The following P2RX2 variants were observed in gnomAD, a reference collection of about 807,000 sequenced individuals.
P2RX2 encodes P2X purinoceptor 2.
Under a neutral mutation model 54.8 loss-of-function variants are expected in P2RX2, and 50 were observed. That is an observed-to-expected ratio of 0.91 (90% CI 0.73 to 1.15). P2RX2 has a LOEUF of 1.15. Ranked by LOEUF, P2RX2 falls within the 50% of genes most tolerant of loss-of-function variation. The pLI is 0.00. For synonymous variants in P2RX2, 289 were observed against 259.4 expected, an observed-to-expected ratio of 1.11 and a Z score of -1.09; for missense variants, 658 against 633.2, an observed-to-expected ratio of 1.04 and a Z score of -0.42.
At chr12:132,619,614 T>C in intron 2 of P2RX2, 40 bp downstream of exon 2, 1 of 1,504,112 alleles carries the variant, frequency 6.6e-7, no homozygotes, top group Non-Finnish European at 9.1e-7. Context: ...CCGTGCACCC[T>C]ACCCTAGTGG....
At position 132,621,031 on chromosome 12, in the gene P2RX2, G is replaced by A. The variant is rs774195280; in HGVS notation, c.805G>A (p.Asp269Asn). 3 of 1,614,170 alleles carry A rather than the reference G, an allele frequency of 1.9e-6. No homozygotes were observed. In the South Asian group the frequency reaches 3.3e-5, roughly 18 times the overall value. The change falls in exon 8 of 11, where the codon GAC (aspartate) becomes AAC (asparagine). Residue 269 changes from aspartate (D) to asparagine (N), a missense_variant. Transcript: ENST00000643471. The part of the protein sequence containing the change: ...GGVIGVIINW[D>N]CDLDLPASEC... ...TGTCATCGGGGTCATTATCAACTGG[G>A]ACTGTGACCTGGACCTGCCTGCATC...
In P2RX2 at chr12:132,621,922, C is replaced by G; in HGVS notation, c.1366C>G (p.Pro456Ala). ...EQMVDTPASE[P>A]AQASTPTDPK... ...GATGGTGGACACTCCTGCCTCCGAG[C>G]CTGCCCAAGCCTCCACACCCACAGA... Residue 456 changes from proline to alanine, a missense_variant, in exon 11 of 11, where the codon CCT (proline) becomes GCT (alanine). Pro to Ala is a conservative substitution (Grantham distance 27, BLOSUM62 -1). Transcript: ENST00000643471. The G allele has an allele frequency of 6.2e-7, 1 of 1,613,834 alleles. No homozygotes were observed. Among genetic ancestry groups the G allele is most frequent in the Non-Finnish European group, 8.5e-7 (1 of 1,180,028 alleles).
At chr12:132,621,448 T>C in intron 9 of P2RX2, 27 bp from the exon 10 acceptor site, 1 of 1,575,948 alleles carries the variant, frequency 6.3e-7, no homozygotes, top group Non-Finnish European at 8.6e-7. Context: ...CGTCAGACAT[T>C]CTGACCACGA....
intron 4 of P2RX2, 22 bp downstream of exon 4, chr12:132,619,941 C>T: frequency 5.9e-6 from 4 of 681,188 alleles, no homozygotes; most frequent in Non-Finnish European, 1.0e-5. Flanking sequence ...CCAGCTGGGG[C>T]TGGGCGGGTG....
chr12:132,621,599 C>A lies in P2RX2; in HGVS notation c.1063-20C>A, dbSNP rs764240633. On this transcript the variant is annotated intron_variant, in intron 10 of 10. Coordinates refer to ENST00000643471, the MANE Select transcript of P2RX2 (RefSeq NM_170682.4). ...GGGGGGTCCACCAGGCCCTTACACA[C>A]CGGTCTCTGCTGGCCCCAGGGCTCC... is the stretch of plus-strand genomic sequence containing the variant. The A allele has an allele frequency of 6.2e-7, 1 of 1,611,822 alleles. No individual in the cohort carries two copies. Among genetic ancestry groups the A allele is most frequent in the Non-Finnish European group, 8.5e-7 (1 of 1,178,866 alleles).
intron 1 of P2RX2, among the ~76,000 whole-genome samples, chr12:132,619,197 C>A (rs2041521823): frequency 2.3e-5 from 1 of 42,920 alleles, no homozygotes; most frequent in Admixed American, 3.0e-4. Flanking sequence ...GGGGCAGGGG[C>A]TGGGACTCGG....
chr12:132,620,037 GC>G lies in P2RX2; in HGVS notation c.498del (p.Ser167ProfsTer57). ...TGRCVPYYQG[P>X]SKTCEVFGWC... ...GGCGCTGTGTGCCCTATTACCAGGGGCCCTCCAAGACCTGCGAGGTGTTCGG... is the reference window on the plus strand; with the variant it reads ...GGCGCTGTGTGCCCTATTACCAGGGGCCTCCAAGACCTGCGAGGTGTTCGG... On this transcript the variant is annotated frameshift_variant, in exon 5 of 11. Transcript: ENST00000643471. LOFTEE classifies it high-confidence loss of function. 1 of 1,590,848 alleles carries G rather than the reference GC, an allele frequency of 6.3e-7. No individual in the cohort carries two copies. The highest frequency in any genetic ancestry group is 8.5e-7 in the Non-Finnish European group (1 of 1,170,212).
chr12:132,620,140 C>G (rs761558852), intron 5 of P2RX2, 44 bp downstream of exon 5: 3 of 1,529,996 alleles, frequency 2.0e-6, no homozygotes, highest in South Asian at 2.4e-5. Flanking sequence ...CCCTCTGATC[C>G]TTTTCCCCTG....
At position 132,619,893 on chromosome 12, in the gene P2RX2, C is replaced by G. The variant is rs1335103701; in HGVS notation, c.431C>G (p.Ala144Gly). 1.3e-6 allele frequency: 2 copies of G among 1,483,706 alleles called. No individual in the cohort carries two copies. The highest frequency in any genetic ancestry group is 6.0e-5 in the East Asian group (2 of 33,422). 91.9% of individuals were successfully genotyped at this position (1,483,706 alleles called of 1,614,324 possible). A position where few individuals can be genotyped will look rare whatever the true frequency, so the allele number is the denominator to read the frequency against. The change falls in exon 4 of 11, where the codon GCT becomes GGT. Residue 144 changes from alanine (A) to glycine (G), a missense_variant. Physicochemically the swap from Ala to Gly is moderately conservative, Grantham distance 60. Coordinates refer to ENST00000643471, the MANE Select transcript of P2RX2 (RefSeq NM_170682.4). ...TGCCTCTCCGACGCCGACTGCGTGG[C>G]TGGGGAGCTGGACATGCTGGGAAAC... The part of the protein sequence containing the change: ...ATCLSDADCV[A>G]GELDMLGNGL...
chr12:132,619,673 G>A lies in P2RX2; in HGVS notation c.310-6G>A, dbSNP rs1023705081. The A allele has an allele frequency of 6.3e-7, 1 of 1,592,626 alleles. No homozygotes were observed. The highest frequency in any genetic ancestry group is 1.3e-5 in the African/African-American group (1 of 74,336). ...CTGGCCGACCGCCCCCTCTTTCTGA[G>A]CCCAGGGGGGCAGCGTGTTCAGCAT... On this transcript the variant is annotated splice_polypyrimidine_tract_variant and splice_region_variant and intron_variant, in intron 2 of 10. Coordinates refer to ENST00000643471, the MANE Select transcript of P2RX2 (RefSeq NM_170682.4).
Position 132,620,426 on chromosome 12 carries a change from C to A in P2RX2, c.636-19C>A. 1 of 1,614,026 alleles carries A rather than the reference C, an allele frequency of 6.2e-7. No individual in the cohort carries two copies. Among genetic ancestry groups the A allele is most frequent in the East Asian group, 2.2e-5 (1 of 44,876 alleles). ...TGGGGTATTTGGGGTGCAGGTCTCGCCTCCTGCCGCCTCCTCAGGGGCAAC... is the reference window on the plus strand; with the variant it reads ...TGGGGTATTTGGGGTGCAGGTCTCGACTCCTGCCGCCTCCTCAGGGGCAAC... On this transcript the variant is annotated intron_variant, in intron 6 of 10. Transcript: ENST00000643471.
At position 132,621,102 on chromosome 12, in the gene P2RX2, C is replaced by T. The variant is rs770029505; in HGVS notation, c.876C>T (p.His292=). 8 of 1,614,036 alleles carry T rather than the reference C, an allele frequency of 5.0e-6. No individual in the cohort carries two copies. Among genetic ancestry groups the T allele is most frequent in the South Asian group, 4.4e-5 (4 of 91,092 alleles). The part of the protein sequence containing the change: ...KYSFRRLDPK[H]VPASSGYNFR... ...CCTTCCGGAGGCTTGACCCCAAGCACGTGCCTGCCTCGTCAGGCTACAACT... is the reference window on the plus strand; with the variant it reads ...CCTTCCGGAGGCTTGACCCCAAGCATGTGCCTGCCTCGTCAGGCTACAACT... Residue 292 remains histidine, a synonymous_variant, in exon 8 of 11, where the codon CAC becomes CAT. Coordinates refer to ENST00000643471, the MANE Select transcript of P2RX2 (RefSeq NM_170682.4).
intron 2 of P2RX2, 48 bp from the exon 3 acceptor site, chr12:132,619,631 G>A (rs1321193276): frequency 1.3e-6 from 2 of 1,586,972 alleles, no homozygotes; most frequent in South Asian, 1.1e-5. Context: ...GTGGGCGGAG[G>A]GGGCAGCGGC....
chr12:132,620,634 G>T, intron 7 of P2RX2, 51 bp downstream of exon 7: 1 of 1,589,812 alleles, frequency 6.3e-7, no homozygotes. Flanking sequence ...CACCTGCACA[G>T]AGAGGGCCTG....
Position 132,619,593 on chromosome 12 carries a change from C to T in P2RX2, c.309+19C>T, listed in dbSNP as rs202042846. The T allele has an allele frequency of 3.2e-5, 52 of 1,601,492 alleles. No individual in the cohort carries two copies. In the East Asian group the frequency reaches 1.0e-3, roughly 31 times the overall value. ...CCCCGAGGTGCGGGCCGCCCCCTGC[C>T]CCCCGCCCCGCCGTGCACCCTACCC... On this transcript the variant is annotated intron_variant, in intron 2 of 10. Transcript: ENST00000643471.
At position 132,619,920 on chromosome 12, in the gene P2RX2, G is replaced by A; in HGVS notation, c.457+1G>A. ...GGGGAGCTGGACATGCTGGGAAACG[G>A]TCGGTGTGCGCCAGCTGGGGCTGGG... On this transcript the variant is annotated splice_donor_variant, in intron 4 of 10. Transcript: ENST00000643471. LOFTEE classifies it high-confidence loss of function. The A allele has an allele frequency of 6.2e-7, 1 of 1,607,310 alleles. No homozygotes were observed. The highest frequency in any genetic ancestry group is 8.5e-7 in the Non-Finnish European group (1 of 1,178,208).
At position 132,622,141 on chromosome 12, in the gene P2RX2, G is replaced by A; in HGVS notation, c.*169G>A. On this transcript the variant is annotated 3_prime_UTR_variant, in exon 11 of 11. Transcript: ENST00000643471. The stretch of plus-strand genomic sequence containing the variant: ...GGGGGCACGCTCTGGCCCCAGGCTT[G>A]TGCCCCACCCTGGCATACAGCCCCT... The A allele has an allele frequency of 3.4e-6, 5 of 1,453,708 alleles. No individual in the cohort carries two copies. The highest frequency in any genetic ancestry group is 4.5e-6 in the Non-Finnish European group (5 of 1,110,272). The allele number at this position is 1,453,708 out of a possible 1,614,324, so 90.1% of individuals were successfully genotyped here.
intron 7 of P2RX2, 151 bp downstream of exon 7, chr12:132,620,734 T>A: frequency 9.4e-7 from 1 of 1,064,882 alleles, no homozygotes; most frequent in South Asian, 1.5e-5. Flanking sequence ...ACCCATCCGG[T>A]GTGGCGCTTG....
intron 8 of P2RX2, 33 bp downstream of exon 8, chr12:132,621,164 G>A: frequency 6.2e-7 from 1 of 1,613,996 alleles, no homozygotes; most frequent in African/African-American, 1.3e-5. Flanking sequence ...GTCCACACTG[G>A]CATAGCTGTG....
Sources: gnomAD v4.1 joint callset for allele counts (sites outside exome capture counted in the v4.1 genomes callset) on GRCh38, gnomAD v4.1.1 for gene constraint, MANE v1.5 for transcripts, NCBI Gene and HGNC (gene_info 2026-07-23, HGNC 2026-07-21) for gene names.